The following LOC128462377 variants were observed in gnomAD, a reference collection of about 807,000 sequenced individuals.
the LOC128462377 span, among the ~76,000 whole-genome samples, chr16:89,337,815 C>T: frequency 2.6e-5 from 4 of 152,164 alleles, no homozygotes; most frequent in East Asian, 1.9e-4. Flanking sequence ...CCAAGTCGCA[C>T]GAGCAAGGCT....
chr16:89,401,720 G>A, the LOC128462377 span, among the ~76,000 whole-genome samples: 4 of 152,226 alleles, frequency 2.6e-5, no homozygotes, highest in Non-Finnish European at 5.9e-5. Context: ...TCGCTAGGGT[G>A]GGCCCTCACC....
the LOC128462377 span, among the ~76,000 whole-genome samples, chr16:89,330,231 G>A: frequency 1.3e-5 from 2 of 152,096 alleles, no homozygotes; most frequent in Non-Finnish European, 2.9e-5. Flanking sequence ...GTCAGGGGCA[G>A]GACACAAAGC....
chr16:89,405,881 C>T, the LOC128462377 span, among the ~76,000 whole-genome samples: 4 of 152,136 alleles, frequency 2.6e-5, no homozygotes, highest in South Asian at 2.1e-4. Flanking sequence ...GAGCCAACGC[C>T]GGCAGATCAC....
At chr16:89,405,006 T>C in the LOC128462377 span, among the ~76,000 whole-genome samples, 1 of 152,048 alleles carries the variant, frequency 6.6e-6, no homozygotes, top group East Asian at 1.9e-4. Flanking sequence ...AAAAGAAACA[T>C]CTAAAAACTT....
the LOC128462377 span, chr16:89,324,382 G>A: frequency 3.2e-5 from 22 of 686,876 alleles, no homozygotes; most frequent in South Asian, 2.6e-4. Context: ...GCACGTGGGC[G>A]CAAAGTTCTC....
the LOC128462377 span, among the ~76,000 whole-genome samples, chr16:89,364,724 G>A: frequency 2.6e-5 from 4 of 152,160 alleles, no homozygotes; most frequent in Non-Finnish European, 4.4e-5. Context: ...GCCATGGGCC[G>A]CGGGCTGGAC....
chr16:89,358,999 A>AT, the LOC128462377 span, among the ~76,000 whole-genome samples: 190 of 152,124 alleles, frequency 1.2e-3, 1 homozygote, highest in Admixed American at 0.011. Context: ...CTAATTTTCT[A>AT]TTTTTTGTAA....
chr16:89,356,010 G>A, the LOC128462377 span, among the ~76,000 whole-genome samples: 1 of 152,166 alleles, frequency 6.6e-6, no homozygotes, highest in Non-Finnish European at 1.5e-5. Flanking sequence ...CCGCCCTGGG[G>A]GCTGAGGCGA....
the LOC128462377 span, among the ~76,000 whole-genome samples, chr16:89,341,697 C>T: frequency 1.3e-5 from 2 of 152,256 alleles, no homozygotes; most frequent in South Asian, 4.1e-4. Flanking sequence ...CACACCTATT[C>T]ATCTGCATAA....
the LOC128462377 span, among the ~76,000 whole-genome samples, chr16:89,341,858 ACCCACAGCGG>A: frequency 2.9e-5 from 2 of 68,204 alleles, no homozygotes; most frequent in African/African-American, 5.9e-5. Context: ...CTGCACCTCC[ACCCACAGCGG>A]CCACGGCCCA....
the LOC128462377 span, among the ~76,000 whole-genome samples, chr16:89,323,564 A>AGGGCAGGGGGGCAGAGCCG: frequency 1.6e-4 from 2 of 12,586 alleles, no homozygotes; most frequent in African/African-American, 3.3e-4. Context: ...GGTCTGAGCT[A>AGGGCAGGGGGGCAGAGCCG]AGGGCACGGG....
chr16:89,413,606 C>T, the LOC128462377 span, among the ~76,000 whole-genome samples: 1 of 152,146 alleles, frequency 6.6e-6, no homozygotes, highest in Non-Finnish European at 1.5e-5. Flanking sequence ...GCCTGGGCGA[C>T]AGCCAGACTG....
chr16:89,349,134 T>TAAAAA, the LOC128462377 span, among the ~76,000 whole-genome samples: 274 of 16,562 alleles, frequency 0.017, 17 homozygotes, highest in African/African-American at 0.022. Context: ...TCTCAAAAAG[T>TAAAAA]AAAAAAAAAA....
At chr16:89,346,108 G>A in the LOC128462377 span, among the ~76,000 whole-genome samples, 1 of 151,864 alleles carries the variant, frequency 6.6e-6, no homozygotes, top group Non-Finnish European at 1.5e-5. Context: ...AATTAGCCGG[G>A]CGTGGTGCCG....
chr16:89,416,804 T>C, the LOC128462377 span, among the ~76,000 whole-genome samples: 6 of 151,692 alleles, frequency 4.0e-5, no homozygotes, highest in Non-Finnish European at 1.5e-5. Flanking sequence ...AAATGCAGCA[T>C]TTTGCTTTTC....
chr16:89,342,144 C>CCT, the LOC128462377 span, among the ~76,000 whole-genome samples: 1 of 152,228 alleles, frequency 6.6e-6, no homozygotes, highest in Admixed American at 6.5e-5. Context: ...CTCTCAGGGC[C>CCT]CTTCTAGATC....
chr16:89,353,782 G>A, the LOC128462377 span, among the ~76,000 whole-genome samples: 3 of 152,296 alleles, frequency 2.0e-5, no homozygotes, highest in South Asian at 6.2e-4. Flanking sequence ...GCCCGAACTG[G>A]TCACATATCT....
the LOC128462377 span, among the ~76,000 whole-genome samples, chr16:89,389,665 TCA>T: frequency 6.6e-6 from 1 of 151,728 alleles, no homozygotes; most frequent in Non-Finnish European, 1.5e-5. Flanking sequence ...AAACGGCATG[TCA>T]ACAACTCAAA....
chr16:89,377,930 C>A, the LOC128462377 span, among the ~76,000 whole-genome samples: 3 of 151,940 alleles, frequency 2.0e-5, no homozygotes, highest in Non-Finnish European at 4.4e-5. Flanking sequence ...AGGATGAAGA[C>A]CTTCATGATG....
Sources: allele counts gnomAD v4.1 joint callset (sites outside exome capture counted in the v4.1 genomes callset), GRCh38; gene constraint gnomAD v4.1.1; transcripts MANE v1.5.